Variants in PCDHA13 observed in about 807,000 individuals in gnomAD.
PCDHA13 encodes the protein protocadherin alpha 13, also known as protocadherin alpha-13.
Under a neutral mutation model 64.8 loss-of-function variants are expected in PCDHA13, and 54 were observed. That is an observed-to-expected ratio of 0.83 (90% CI 0.67 to 1.04). The LOEUF (loss-of-function observed/expected upper bound fraction) is 1.04, where lower values mean the gene tolerates loss of function less well. PCDHA13 is among the 50% of genes least tolerant of loss of function. PCDHA13 has a pLI of 0.00. For synonymous variants in PCDHA13, 587 were observed against 564.4 expected (o/e 1.04, Z -0.57); for missense variants, 1,248 against 1,254.3 (o/e 0.99, Z 0.08).
In PCDHA13 at chr5:141,010,605, A is replaced by G. The variant is rs2098417765; in HGVS notation, c.*668A>G. ...AAAGTCTGTTGGCTGTGACGTCATT[A>G]TACCTAAAATCTGCATCATACCTGC... On this transcript the variant is annotated 3_prime_UTR_variant, in exon 4 of 4. Transcript: ENST00000289272. 1 of 206,202 alleles carries G rather than the reference A, an allele frequency of 4.8e-6. No individual in the cohort carries two copies. Among genetic ancestry groups the G allele is most frequent in the Non-Finnish European group, 9.9e-6 (1 of 101,122 alleles). 12.8% of individuals were successfully genotyped at this position (206,202 alleles called of 1,614,324 possible). A position where few individuals can be genotyped will look rare whatever the true frequency, so the allele number is the denominator to read the frequency against.
chr5:140,898,547 A>C (rs1337213913), intron 1 of PCDHA13, among the ~76,000 whole-genome samples: 3 of 152,078 alleles, frequency 2.0e-5, no homozygotes, highest in Non-Finnish European at 4.4e-5. Flanking sequence ...CCATTTATCT[A>C]TGTCTCTGTT....
At chr5:140,979,054 A>G (rs782082075) in intron 2 of PCDHA13, 47 bp downstream of exon 2, 6 of 1,607,592 alleles carry the variant, frequency 3.7e-6, no homozygotes, top group Non-Finnish European at 4.3e-6. Flanking sequence ...TTAACTTGGT[A>G]TGGCTCAGAT....
intron 1 of PCDHA13, among the ~76,000 whole-genome samples, chr5:140,887,879 A>G (rs956379948): frequency 1.3e-5 from 2 of 152,154 alleles, no homozygotes; most frequent in South Asian, 4.1e-4. Context: ...TTCCTTTTGT[A>G]GTATCATATC....
intron 1 of PCDHA13, among the ~76,000 whole-genome samples, chr5:140,953,460 G>A (rs1025295552): frequency 1.3e-5 from 2 of 152,116 alleles, no homozygotes; most frequent in Non-Finnish European, 2.9e-5. Context: ...ATCTGTCAGA[G>A]TTTTAACTTC....
At chr5:140,930,616 G>T (rs2086997332) in intron 1 of PCDHA13, among the ~76,000 whole-genome samples, 2 of 152,154 alleles carry the variant, frequency 1.3e-5, no homozygotes, top group African/African-American at 4.8e-5. Context: ...TGCAAGAGAA[G>T]GAGGTGTGTA....
intron 3 of PCDHA13, among the ~76,000 whole-genome samples, chr5:140,987,362 A>G (rs1490856237): frequency 6.6e-6 from 1 of 152,208 alleles, no homozygotes; most frequent in Non-Finnish European, 1.5e-5. Flanking sequence ...AGGTTGTCTT[A>G]TATCATTACA....
At chr5:140,945,641 C>T (rs1253716354) in intron 1 of PCDHA13, among the ~76,000 whole-genome samples, 3 of 151,972 alleles carry the variant, frequency 2.0e-5, no homozygotes, top group Non-Finnish European at 2.9e-5. Context: ...GACATGTAGA[C>T]CAATGGAGCA....
intron 1 of PCDHA13, among the ~76,000 whole-genome samples, chr5:140,978,254 A>T (rs2096794173): frequency 6.6e-6 from 1 of 152,228 alleles, no homozygotes; most frequent in Non-Finnish European, 1.5e-5. Context: ...TCCCTGTTAA[A>T]CAATCAGAGC....
At chr5:140,978,897 G>A in intron 1 of PCDHA13, 52 bp from the exon 2 acceptor site, 2 of 1,612,776 alleles carry the variant, frequency 1.2e-6, no homozygotes, top group South Asian at 1.1e-5. Flanking sequence ...AGCATTCCTG[G>A]GAGAACATTG....
chr5:140,943,830 G>C (rs1245752469), intron 1 of PCDHA13, among the ~76,000 whole-genome samples: 1 of 152,198 alleles, frequency 6.6e-6, no homozygotes, highest in Non-Finnish European at 1.5e-5. Context: ...TGAGTTGATT[G>C]AAGTTGTAAG....
At chr5:141,002,807 C>T (rs1297773193) in intron 3 of PCDHA13, among the ~76,000 whole-genome samples, 1 of 152,152 alleles carries the variant, frequency 6.6e-6, no homozygotes, top group Non-Finnish European at 1.5e-5. Flanking sequence ...GAAACTGAGG[C>T]TCAGAGATAT....
chr5:140,927,946 G>A (rs1341193072), intron 1 of PCDHA13: 1 of 1,614,096 alleles, frequency 6.2e-7, no homozygotes, highest in East Asian at 2.2e-5. Context: ...AGTACCTGAG[G>A]ACGCTGCCCC....
chr5:140,992,154 C>T (rs2097495252), intron 3 of PCDHA13, among the ~76,000 whole-genome samples: 1 of 151,952 alleles, frequency 6.6e-6, no homozygotes. Flanking sequence ...TTTGCTCAAT[C>T]AAGAAGTGTG....
rs1402531454 is a variant in PCDHA13 at position 141,011,521 on chromosome 5, TA to T, written c.*1586del. 1 of 153,804 alleles carries T rather than the reference TA, an allele frequency of 6.5e-6. No individual in the cohort carries two copies. The allele number at this position is 153,804 out of a possible 1,614,324, so 9.5% of individuals were successfully genotyped here. A position where few individuals can be genotyped will look rare whatever the true frequency, so the allele number is the denominator to read the frequency against. ...GTGAAAAAGTGGAGTAGTGTTTTTT[TA>T]ACCATTGTTAATCAGCTTTTGTGTA... On this transcript the variant is annotated 3_prime_UTR_variant, in exon 4 of 4. Coordinates refer to ENST00000289272, the MANE Select transcript of PCDHA13 (RefSeq NM_018904.3).
chr5:140,906,175 G>T (rs1177661963), intron 1 of PCDHA13, among the ~76,000 whole-genome samples: 18 of 152,058 alleles, frequency 1.2e-4, no homozygotes, highest in African/African-American at 4.1e-4. Flanking sequence ...ACAATACTTT[G>T]CATCCTTCAA....
At chr5:140,901,654 T>C (rs1274474554) in intron 1 of PCDHA13, among the ~76,000 whole-genome samples, 6 of 152,194 alleles carry the variant, frequency 3.9e-5, no homozygotes. Flanking sequence ...GTTTTGTTCT[T>C]TTTGCTCAAG....
Position 140,883,711 on chromosome 5 carries a change from C to G in PCDHA13, c.1443C>G (p.Asp481Glu). Reference sequence around the variant, plus strand: ...ACATCTTCACGGTGTCTGCTCAGGACGCGGACGCACAGGAGAACGCGCTGG... The same window carrying G: ...ACATCTTCACGGTGTCTGCTCAGGAGGCGGACGCACAGGAGAACGCGCTGG... ...GCHIFTVSAQ[D>E]ADAQENALVS... Residue 481 changes from aspartate to glutamate, a missense_variant, in exon 1 of 4, where the codon GAC becomes GAG. Coordinates refer to ENST00000289272, the MANE Select transcript of PCDHA13 (RefSeq NM_018904.3). The G allele has an allele frequency of 6.2e-7, 1 of 1,613,576 alleles. No homozygotes were observed. The highest frequency in any genetic ancestry group is 1.7e-5 in the Admixed American group (1 of 60,014).
At chr5:140,949,042 G>A (rs2094338452) in intron 1 of PCDHA13, among the ~76,000 whole-genome samples, 2 of 151,644 alleles carry the variant, frequency 1.3e-5, no homozygotes, top group African/African-American at 2.4e-5. Flanking sequence ...TTAAAAGTAT[G>A]TTCTAATTTC....
intron 1 of PCDHA13, among the ~76,000 whole-genome samples, chr5:140,934,475 A>G (rs1554209923): frequency 6.6e-6 from 1 of 152,172 alleles, no homozygotes; most frequent in African/African-American, 2.4e-5. Context: ...ATTATTTTGA[A>G]AATTATATTC....
Sources: allele counts gnomAD v4.1 joint callset (sites outside exome capture counted in the v4.1 genomes callset), GRCh38; gene constraint gnomAD v4.1.1; transcripts MANE v1.5; gene names NCBI Gene and HGNC (gene_info 2026-07-23, HGNC 2026-07-21).